The following SNHG17 variants were observed in gnomAD, a reference collection of about 807,000 sequenced individuals.
The protein encoded by SNHG17 is small nucleolar RNA host gene 17, also known as small nucleolar RNA host gene 17 (non-protein coding).
intron 5 of SNHG17, among the ~76,000 whole-genome samples, chr20:38,423,903 C>T (rs1031627659): frequency 3.3e-5 from 5 of 152,166 alleles, no homozygotes; most frequent in African/African-American, 7.2e-5. Flanking sequence ...TGTGGTGGCT[C>T]ACGCTTGTAA....
intron 5 of SNHG17, among the ~76,000 whole-genome samples, chr20:38,423,169 G>C (rs1259789202): frequency 6.6e-6 from 1 of 151,620 alleles, no homozygotes; most frequent in African/African-American, 2.4e-5. Context: ...AGCGAAAGCA[G>C]AAGGATGGTT....
At chr20:38,426,722 G>A in intron 3 of SNHG17, among the ~76,000 whole-genome samples, 1 of 150,636 alleles carries the variant, frequency 6.6e-6, no homozygotes. Flanking sequence ...CCTCAGGGGA[G>A]CCCCAAAGGC....
At chr20:38,424,665 C>T (rs1395888395) in intron 5 of SNHG17, among the ~76,000 whole-genome samples, 2 of 152,166 alleles carry the variant, frequency 1.3e-5, no homozygotes, top group Admixed American at 1.3e-4. Flanking sequence ...GAGAAGCAAA[C>T]CAACAATTCC....
chr20:38,431,072 G>A, exon 3 of SNHG17: 1 of 152,424 alleles, frequency 6.6e-6, no homozygotes, highest in Non-Finnish European at 1.5e-5. Flanking sequence ...TCTCCCAGAG[G>A]ACGCCTCTCA....
At chr20:38,428,430 A>G (rs1214300943) in intron 3 of SNHG17, 1 of 152,336 alleles carries the variant, frequency 6.6e-6, no homozygotes, top group Non-Finnish European at 1.5e-5. Flanking sequence ...CAAAAAGCCA[A>G]AATTCCAGAG....
At chr20:38,429,887 C>G in intron 3 of SNHG17, 1 of 478,408 alleles carries the variant, frequency 2.1e-6, no homozygotes, top group Non-Finnish European at 4.1e-6. Flanking sequence ...GAACAGCTGA[C>G]AGGGCAATGA....
chr20:38,433,343 A>C (rs547301147), intron 2 of SNHG17, among the ~76,000 whole-genome samples: 45 of 152,254 alleles, frequency 3.0e-4, no homozygotes, highest in African/African-American at 1.1e-3. Flanking sequence ...CAGGTAAGTC[A>C]AGAGACAGGA....
chr20:38,430,227 AG>A (rs1272921712), intron 3 of SNHG17, among the ~76,000 whole-genome samples: 6 of 151,876 alleles, frequency 4.0e-5, no homozygotes, highest in Admixed American at 1.3e-4. Flanking sequence ...AGGATGAGGC[AG>A]GAGAATCATT....
chr20:38,421,583 TCAC>T (rs2084156978), intron 6 of SNHG17: 1 of 150,918 alleles, frequency 6.6e-6, no homozygotes, highest in Admixed American at 6.6e-5. Flanking sequence ...GTGGGTCTAG[TCAC>T]CACATCACAT....
rs186122778 is a variant in SNHG17 at position 38,435,008 on chromosome 20, G to A, written n.185+189C>T. 58 of 1,230,136 alleles carry A rather than the reference G, an allele frequency of 4.7e-5. 1 individual carries two copies. In the African/African-American group the frequency reaches 8.4e-4, roughly 18 times the overall value. The allele number at this position is 1,230,136 out of a possible 1,614,324, so 76.2% of individuals were successfully genotyped here. A position where few individuals can be genotyped will look rare whatever the true frequency, so the allele number is the denominator to read the frequency against. On this transcript the variant is annotated intron_variant and non_coding_transcript_variant, in intron 1 of 8. Transcript: ENST00000654008. ...CACGTGGCCCGCTCAGCACTGCCGC[G>A]GCCAAGGGCGCGACTCACCTGCCAG...
intron 2 of SNHG17, chr20:38,434,136 A>C: frequency 2.5e-6 from 1 of 399,116 alleles, no homozygotes; most frequent in Non-Finnish European, 4.9e-6. Flanking sequence ...ATCTGTCCCC[A>C]CCCAGAGTCC....
chr20:38,433,272 G>A (rs1247643288), intron 2 of SNHG17, among the ~76,000 whole-genome samples: 4 of 152,114 alleles, frequency 2.6e-5, no homozygotes, highest in Non-Finnish European at 4.4e-5. Context: ...CATTGCACCC[G>A]GCCCATCTCC....
At chr20:38,432,942 G>A (rs561580699) in intron 2 of SNHG17, among the ~76,000 whole-genome samples, 3 of 151,050 alleles carry the variant, frequency 2.0e-5, no homozygotes, top group South Asian at 2.1e-4. Context: ...GAGCCACCAC[G>A]ACCAGCCACA....
intron 1 of SNHG17, chr20:38,434,766 C>G (rs572284096): frequency 1.7e-5 from 15 of 892,292 alleles, no homozygotes; most frequent in Non-Finnish European, 2.0e-5. Context: ...GGTTCTAACA[C>G]CTACTTTTAA....
intron 2 of SNHG17, chr20:38,433,793 G>A (rs532294770): frequency 6.4e-5 from 33 of 518,820 alleles, no homozygotes; most frequent in African/African-American, 5.0e-4. Flanking sequence ...CCTGCACTGA[G>A]CCTTGCACAG....
chr20:38,423,307 G>A (rs566100945), intron 5 of SNHG17, among the ~76,000 whole-genome samples: 1 of 150,272 alleles, frequency 6.7e-6, no homozygotes, highest in East Asian at 2.0e-4. Context: ...TGAGGTGGGA[G>A]GGTCACTTAA....
chr20:38,421,528 G>A (rs1042872186), intron 6 of SNHG17: 2 of 152,216 alleles, frequency 1.3e-5, no homozygotes, highest in African/African-American at 2.4e-5. Context: ...CTGGCAGGAG[G>A]ATCCCTAACA....
At chr20:38,431,551 T>G (rs2122723748) in intron 2 of SNHG17, among the ~76,000 whole-genome samples, 1 of 152,056 alleles carries the variant, frequency 6.6e-6, no homozygotes, top group African/African-American at 2.4e-5. Context: ...CCAGGAGAAG[T>G]AAAGGAAAGA....
At chr20:38,429,575 A>G in intron 3 of SNHG17, 3 of 380,902 alleles carry the variant, frequency 7.9e-6, no homozygotes, top group South Asian at 4.2e-5. Context: ...CTCATGTCTC[A>G]CAATAACTGC....
Sources: gnomAD v4.1 joint callset for allele counts (sites outside exome capture counted in the v4.1 genomes callset) on GRCh38, gnomAD v4.1.1 for gene constraint, MANE v1.5 for transcripts, NCBI Gene and HGNC (gene_info 2026-07-23, HGNC 2026-07-21) for gene names.